Variants in AUTS2 observed in about 807,000 individuals in gnomAD.
The protein encoded by AUTS2 is activator of transcription and developmental regulator AUTS2.
Under a neutral mutation model 112.4 loss-of-function variants are expected in AUTS2, and 17 were observed. The ratio of observed to expected loss-of-function variants is 0.15; its 90% CI spans 0.10 to 0.23. The LOEUF (loss-of-function observed/expected upper bound fraction) is 0.23, where lower values mean the gene tolerates loss of function less well. Among genes scored for constraint, AUTS2 ranks in the 10% least tolerant of loss-of-function variants. The pLI is 1.00. For synonymous variants in AUTS2, 751 were observed against 702.7 expected (o/e 1.07, Z -1.09); for missense variants, 1,510 against 1,701.6 (o/e 0.89, Z 1.98).
chr7:70,606,352 T>C (rs2129531537), intron 5 of AUTS2, among the ~76,000 whole-genome samples: 1 of 150,246 alleles, frequency 6.7e-6, no homozygotes, highest in South Asian at 2.1e-4. Flanking sequence ...TTTGTATTTA[T>C]ATTTATATTT....
At chr7:70,519,871 A>G (rs1167261190) in intron 5 of AUTS2, among the ~76,000 whole-genome samples, 1 of 152,226 alleles carries the variant, frequency 6.6e-6, no homozygotes, top group Non-Finnish European at 1.5e-5. Context: ...CCATTCAAGG[A>G]ATCTGAATTG....
chr7:69,906,976 G>A (rs1050847627), intron 2 of AUTS2, among the ~76,000 whole-genome samples: 1 of 151,988 alleles, frequency 6.6e-6, no homozygotes, highest in Non-Finnish European at 1.5e-5. Context: ...GCATGGTGAC[G>A]CATGCCTGTT....
At chr7:69,978,582 T>TA (rs1798152273) in intron 2 of AUTS2, among the ~76,000 whole-genome samples, 1 of 152,232 alleles carries the variant, frequency 6.6e-6, no homozygotes, top group Admixed American at 6.5e-5. Context: ...CTCATGCCTG[T>TA]AATCCCAGCA....
chr7:69,891,327 T>G (rs1336955262), intron 1 of AUTS2, among the ~76,000 whole-genome samples: 2 of 152,246 alleles, frequency 1.3e-5, no homozygotes, highest in South Asian at 4.1e-4. Context: ...TTTTTATTGC[T>G]GAGTAGTATT....
chr7:70,280,383 A>G (rs1489138686), intron 4 of AUTS2, among the ~76,000 whole-genome samples: 2 of 148,874 alleles, frequency 1.3e-5, no homozygotes, highest in Non-Finnish European at 3.0e-5. Flanking sequence ...TCCCGGGTTC[A>G]AGCGATTCTC....
intron 5 of AUTS2, among the ~76,000 whole-genome samples, chr7:70,522,108 C>G (rs574345801): frequency 1.3e-5 from 2 of 152,158 alleles, no homozygotes; most frequent in African/African-American, 4.8e-5. Context: ...GCCACTCAAG[C>G]GAGGACAACT....
chr7:70,544,185 A>G (rs192253919), intron 5 of AUTS2, among the ~76,000 whole-genome samples: 2 of 152,340 alleles, frequency 1.3e-5, no homozygotes, highest in Admixed American at 6.5e-5. Flanking sequence ...AGGAATCCTC[A>G]TAGTCTGTTG....
chr7:70,771,693 C>G, intron 11 of AUTS2, 49 bp downstream of exon 11: 2 of 1,553,008 alleles, frequency 1.3e-6, no homozygotes, highest in Non-Finnish European at 1.8e-6. Context: ...TAAGTGGCGT[C>G]CCGGGCCAGG....
intron 1 of AUTS2, among the ~76,000 whole-genome samples, chr7:69,868,554 A>G (rs1328558005): frequency 1.3e-5 from 2 of 152,204 alleles, no homozygotes; most frequent in Non-Finnish European, 1.5e-5. Flanking sequence ...ATGAAGCTAA[A>G]TCTTCCTCAG....
chr7:69,809,146 C>T (rs1420392905), intron 1 of AUTS2, among the ~76,000 whole-genome samples: 1 of 152,060 alleles, frequency 6.6e-6, no homozygotes, highest in African/African-American at 2.4e-5. Context: ...GCGATCTCGG[C>T]TCACTGCAAG....
chr7:70,568,318 C>T (rs1176054709), intron 5 of AUTS2, among the ~76,000 whole-genome samples: 1 of 152,172 alleles, frequency 6.6e-6, no homozygotes. Context: ...CTTAACCATT[C>T]TGTATCTCAG....
intron 1 of AUTS2, among the ~76,000 whole-genome samples, chr7:69,710,096 C>A (rs1798248085): frequency 6.6e-6 from 1 of 152,088 alleles, no homozygotes; most frequent in Admixed American, 6.5e-5. Flanking sequence ...TTTTCTAGCT[C>A]CCTATTGTCA....
intron 1 of AUTS2, among the ~76,000 whole-genome samples, chr7:69,802,403 C>T (rs1016316929): frequency 6.6e-6 from 1 of 152,168 alleles, no homozygotes; most frequent in East Asian, 1.9e-4. Context: ...GCAGTCTTAT[C>T]ACAGTGTCCC....
chr7:69,736,357 GA>G (rs1223827536), intron 1 of AUTS2, among the ~76,000 whole-genome samples: 2 of 152,174 alleles, frequency 1.3e-5, no homozygotes, highest in Non-Finnish European at 2.9e-5. Context: ...CCTATTGGCT[GA>G]TTTGCTTTGA....
chr7:69,928,578 C>A lies in AUTS2; in HGVS notation c.522+29080C>A, dbSNP rs552345373. On this transcript the variant is annotated intron_variant, in intron 2 of 18. Transcript: ENST00000342771. ...CAGGGGGCTGGTATACCAGCATGAC[C>A]CTGAGTGTGCACATATGCCGCTAAG... 2.6e-5 allele frequency among the ~76,000 whole-genome samples: 4 copies of A among 152,316 alleles called. No homozygotes were observed. The East Asian group carries it at 7.7e-4, about 29-fold the overall frequency.
chr7:70,089,810 G>A lies in AUTS2; in HGVS notation c.523-28322G>A, dbSNP rs978056980. Among the ~76,000 whole-genome samples, 8 of 151,722 alleles carry A rather than the reference G, an allele frequency of 5.3e-5. No homozygotes were observed. The East Asian group carries it at 1.4e-3, about 26-fold the overall frequency. On this transcript the variant is annotated intron_variant, in intron 2 of 18. Coordinates refer to ENST00000342771, the MANE Select transcript of AUTS2 (RefSeq NM_015570.4). ...GATCACTTGAGGTCAGGAGTTCAAG[G>A]CCACCCTGTCCAACATGGCGAAACC...
chr7:70,126,499 G>A (rs1805977773), intron 3 of AUTS2, among the ~76,000 whole-genome samples: 1 of 152,160 alleles, frequency 6.6e-6, no homozygotes, highest in Non-Finnish European at 1.5e-5. Flanking sequence ...TGGCCACAAG[G>A]ACTTTCAGAT....
chr7:70,635,555 G>C (rs180776329), intron 5 of AUTS2, among the ~76,000 whole-genome samples: 1 of 152,302 alleles, frequency 6.6e-6, no homozygotes, highest in Non-Finnish European at 1.5e-5. Context: ...GTCATACACA[G>C]AGAGGGAGAG....
chr7:70,618,720 GAC>G (rs1170265338), intron 5 of AUTS2, among the ~76,000 whole-genome samples: 25 of 38,292 alleles, frequency 6.5e-4, no homozygotes, highest in African/African-American at 2.9e-3. Flanking sequence ...GCAGGGGACA[GAC>G]AGAGAGAGAG....
Sources: allele counts gnomAD v4.1 joint callset (sites outside exome capture counted in the v4.1 genomes callset), GRCh38; gene constraint gnomAD v4.1.1; transcripts MANE v1.5; gene names NCBI Gene and HGNC (gene_info 2026-07-23, HGNC 2026-07-21).